Variants in ASXL1 observed in about 807,000 individuals in gnomAD.
ASXL1 encodes the protein ASXL transcriptional regulator 1.
A neutral mutation model predicts 89.1 loss-of-function variants in ASXL1; 65 were observed. The ratio of observed to expected loss-of-function variants is 0.73; its 90% CI spans 0.60 to 0.90. ASXL1 has a LOEUF of 0.90. ASXL1 is among the 40% of genes least tolerant of loss of function. The pLI, the probability that ASXL1 is intolerant of heterozygous loss-of-function variation, is 0.00. For missense variants in ASXL1, 1,786 were observed against 1,942.9 expected (o/e 0.92, Z 1.52); for synonymous variants, 739 against 746.9 (o/e 0.99, Z 0.17).
chr20:32,365,314 A>G (rs1205788659), intron 1 of ASXL1, among the ~76,000 whole-genome samples: 1 of 152,206 alleles, frequency 6.6e-6, no homozygotes, highest in Non-Finnish European at 1.5e-5. Flanking sequence ...GAATAGGACC[A>G]TGGGAAATAG....
chr20:32,383,051 C>T (rs2122942409), intron 4 of ASXL1, among the ~76,000 whole-genome samples: 1 of 152,226 alleles, frequency 6.6e-6, no homozygotes, highest in East Asian at 1.9e-4. Context: ...ACCCAGGACC[C>T]AATCTTTGAT....
intron 4 of ASXL1, among the ~76,000 whole-genome samples, chr20:32,406,092 A>G (rs2048949828): frequency 6.6e-6 from 1 of 152,198 alleles, no homozygotes; most frequent in Admixed American, 6.6e-5. Flanking sequence ...TAAGGAATAT[A>G]TGGGTATATT....
At chr20:32,392,281 A>AT (rs35202000) in intron 4 of ASXL1, among the ~76,000 whole-genome samples, 5,209 of 131,040 alleles carry the variant, frequency 0.04, 315 homozygotes, top group African/African-American at 0.13. Context: ...AGCCTAGCTG[A>AT]TTTTTTTTTT....
rs1292764187 is a variant in ASXL1 at position 32,434,904 on chromosome 20, T to G, written c.2192T>G (p.Leu731Arg). 2.5e-6 allele frequency: 4 copies of G among 1,614,188 alleles called. No homozygotes were observed. Among genetic ancestry groups the G allele is most frequent in the Non-Finnish European group, 3.4e-6 (4 of 1,180,016 alleles). ...TCTCTGAGAAAGGAGGAAAGCTGCCTACTACAGAGGGCTACAGTTGGACTC... is the reference window on the plus strand; with the variant it reads ...TCTCTGAGAAAGGAGGAAAGCTGCCGACTACAGAGGGCTACAGTTGGACTC... ...LPSLRKEESCLLQRATVGLTD... is the reference protein window; with the variant it reads ...LPSLRKEESCRLQRATVGLTD... Residue 731 changes from leucine to arginine, a missense_variant, in exon 13 of 13, where the codon CTA (leucine) becomes CGA (arginine). Transcript: ENST00000375687.
At position 32,436,819 on chromosome 20, in the gene ASXL1, T is replaced by G; in HGVS notation, c.4107T>G (p.Asn1369Lys). ...ATGCCTTTGTTGGCAGCGTCAAGAATGAGAAGACTTTTGTGGGGGGTCCTC... is the reference window on the plus strand; with the variant it reads ...ATGCCTTTGTTGGCAGCGTCAAGAAGGAGAAGACTTTTGTGGGGGGTCCTC... The part of the protein sequence containing the change: ...KPHAFVGSVK[N>K]EKTFVGGPLK... Residue 1369 changes from asparagine (N) to lysine (K), a missense_variant, in exon 13 of 13, where the codon AAT becomes AAG. Asn to Lys is a moderately conservative substitution (Grantham distance 94, BLOSUM62 0). Transcript: ENST00000375687. The G allele has an allele frequency of 6.2e-7, 1 of 1,614,174 alleles. No individual in the cohort carries two copies. The highest frequency in any genetic ancestry group is 8.5e-7 in the Non-Finnish European group (1 of 1,180,032).
rs990650333 is a variant in ASXL1 at position 32,429,578 on chromosome 20, A to G, written c.565+147A>G. ...GCCCTGCCAATGGATGAGGCCTGCC[A>G]TAGGTTCTAGTGCTGGGCTCTGCTG... On this transcript the variant is annotated intron_variant, in intron 7 of 12. Transcript: ENST00000375687. This position sits in a 1 kb window ranked among gnomAD's most constrained non-coding sequence, Gnocchi z 4.9. 1.2e-5 allele frequency: 11 copies of G among 885,510 alleles called. No homozygotes were observed. The highest frequency in any genetic ancestry group is 2.6e-5 in the East Asian group (1 of 38,180). The allele number at this position is 885,510 out of a possible 1,614,324, so 54.9% of individuals were successfully genotyped here.
rs71338437 is a variant in ASXL1, at chr20:32,418,809, C to CTTTTTTTTTT, written c.253-9287_253-9278dup. Among the ~76,000 whole-genome samples, 16 of 55,746 alleles carry CTTTTTTTTTT rather than the reference C, an allele frequency of 2.9e-4. 4 individuals carry two copies. The highest frequency in any genetic ancestry group is 2.1e-3 in the East Asian group (3 of 1,462). 36.6% of individuals were successfully genotyped at this position (55,746 alleles called of 152,430 possible). On this transcript the variant is annotated intron_variant, in intron 4 of 12. Transcript: ENST00000375687. ...AAATCAAAATGGGAAGAATTGACATCTTTTTTTTTTTTTTTTTTTTTTTTT... is the reference window on the plus strand; with the variant it reads ...AAATCAAAATGGGAAGAATTGACATCTTTTTTTTTTTTTTTTTTTTTTTTTTTTTTTTTTT...
intron 4 of ASXL1, among the ~76,000 whole-genome samples, chr20:32,384,949 A>G (rs2048552919): frequency 6.6e-6 from 1 of 152,020 alleles, no homozygotes; most frequent in Non-Finnish European, 1.5e-5. Context: ...TACATACTCT[A>G]GGCTTCCTTG....
chr20:32,359,566 A>G, intron 1 of ASXL1: 3 of 662,180 alleles, frequency 4.5e-6, no homozygotes, highest in East Asian at 5.4e-5. Context: ...TGAGAAACGC[A>G]GACTGGGCTG....
intron 4 of ASXL1, among the ~76,000 whole-genome samples, chr20:32,401,544 G>GTGTTTTTTT (rs35101542): frequency 4.3e-5 from 3 of 69,304 alleles, no homozygotes; most frequent in Admixed American, 1.6e-4. Flanking sequence ...GTGTGTGTGT[G>GTGTTTTTTT]TTTTTTCCCC....
chr20:32,429,643 C>G lies in ASXL1; in HGVS notation c.565+212C>G. Reference sequence around the variant, plus strand: ...TGTCTCCCAGGGCAGTCGTGAGGATCCAACGGAGGATTTGATTATGCCAGT... The same window carrying G: ...TGTCTCCCAGGGCAGTCGTGAGGATGCAACGGAGGATTTGATTATGCCAGT... On this transcript the variant is annotated intron_variant, in intron 7 of 12. Transcript: ENST00000375687. This position sits in a 1 kb window ranked among gnomAD's most constrained non-coding sequence, Gnocchi z 4.9. 2 of 706,140 alleles carry G rather than the reference C, an allele frequency of 2.8e-6. No individual in the cohort carries two copies. Among genetic ancestry groups the G allele is most frequent in the Non-Finnish European group, 4.7e-6 (2 of 423,750 alleles). 43.7% of individuals were successfully genotyped at this position (706,140 alleles called of 1,614,324 possible).
intron 8 of ASXL1, 102 bp from the exon 9 acceptor site, chr20:32,431,219 C>T (rs755560835): frequency 1.8e-5 from 26 of 1,412,738 alleles, no homozygotes; most frequent in Non-Finnish European, 2.6e-5. Flanking sequence ...GTGCAGATAA[C>T]TCCTGGGTAG....
At chr20:32,421,004 A>G (rs1368035543) in intron 4 of ASXL1, among the ~76,000 whole-genome samples, 2 of 142,986 alleles carry the variant, frequency 1.4e-5, no homozygotes, top group East Asian at 2.3e-4. Flanking sequence ...TCACTCATAA[A>G]TGGGAGTGAA....
At chr20:32,359,127 C>A in intron 1 of ASXL1, 1 of 615,758 alleles carries the variant, frequency 1.6e-6, no homozygotes, top group Non-Finnish European at 2.9e-6. Flanking sequence ...CGGGGTCCCG[C>A]GTCCCCTCCC....
chr20:32,361,685 T>G (rs2048114082), intron 1 of ASXL1, among the ~76,000 whole-genome samples: 1 of 151,618 alleles, frequency 6.6e-6, no homozygotes, highest in South Asian at 2.1e-4. Flanking sequence ...GAATGTGATA[T>G]GCAATTTGAG....
rs1399950526 is a variant in ASXL1 at position 32,437,744 on chromosome 20, C to T, written c.*406C>T. 1.4e-5 allele frequency: 4 copies of T among 293,134 alleles called. No individual in the cohort carries two copies. The highest frequency in any genetic ancestry group is 4.6e-5 in the Admixed American group (1 of 21,514). 18.2% of individuals were successfully genotyped at this position (293,134 alleles called of 1,614,324 possible). A position where few individuals can be genotyped will look rare whatever the true frequency, so the allele number is the denominator to read the frequency against. ...CCAGTCTTCCACTACCCCCTCCCTG[C>T]CATCTTTTCTTCTGCTACTTTGGGG... On this transcript the variant is annotated 3_prime_UTR_variant, in exon 13 of 13. Transcript: ENST00000375687.
At position 32,434,632 on chromosome 20, in the gene ASXL1, CATCGGAGG is replaced by C; in HGVS notation, c.1921_1928del (p.Ile641GlyfsTer14). ...GCCATAGAGAGGCGGCCACCACTGC[CATCGGAGG>C]GGGGGGTGGCCCGGGTGGAGGTGGC... is the stretch of plus-strand genomic sequence containing the variant. On this transcript the variant is annotated frameshift_variant, in exon 13 of 13. Coordinates refer to ENST00000375687, the MANE Select transcript of ASXL1 (RefSeq NM_015338.6). LOFTEE classifies it low-confidence loss of function (END_TRUNC). 6.2e-7 allele frequency: 1 copy of C among 1,608,820 alleles called. No individual in the cohort carries two copies. Among genetic ancestry groups the C allele is most frequent in the Admixed American group, 1.7e-5 (1 of 59,602 alleles).
Position 32,435,482 on chromosome 20 carries a change from C to G in ASXL1, c.2770C>G (p.Pro924Ala), listed in dbSNP as rs772187243. 3.7e-6 allele frequency: 6 copies of G among 1,614,026 alleles called. No individual in the cohort carries two copies. The Admixed American group carries it at 1.0e-4, about 27-fold the overall frequency. ...ESREHIPSVE[P>A]QVGEEWEKAA... ...CAGAGAACACATACCATCTGTTGAG[C>G]CCCAGGTTGGAGAGGAGTGGGAGAA... Residue 924 changes from proline to alanine, a missense_variant, in exon 13 of 13, where the codon CCC becomes GCC. Pro to Ala is a conservative substitution (Grantham distance 27). Coordinates refer to ENST00000375687, the MANE Select transcript of ASXL1 (RefSeq NM_015338.6).
intron 4 of ASXL1, among the ~76,000 whole-genome samples, chr20:32,410,779 A>G (rs2049028613): frequency 1.3e-5 from 2 of 152,094 alleles, no homozygotes; most frequent in African/African-American, 4.8e-5. Flanking sequence ...CTGTAATCCC[A>G]ACACTTTGGG....
Sources: allele counts gnomAD v4.1 joint callset (sites outside exome capture counted in the v4.1 genomes callset), GRCh38; gene constraint gnomAD v4.1.1; non-coding constraint Gnocchi (gnomAD v3.1); transcripts MANE v1.5; gene names NCBI Gene and HGNC (gene_info 2026-07-23, HGNC 2026-07-21).